ANXA4: variants seen among roughly 807,000 people sequenced by gnomAD.
ANXA4 encodes annexin A4.
A neutral mutation model predicts 49.8 loss-of-function variants in ANXA4; 39 were observed. That is an observed-to-expected ratio of 0.78 (90% CI 0.61 to 1.02). The LOEUF is 1.02. Among genes scored for constraint, ANXA4 ranks in the 50% least tolerant of loss-of-function variants. The pLI, the probability that ANXA4 is intolerant of heterozygous loss-of-function variation, is 0.00. For missense variants in ANXA4, 360 were observed against 410.1 expected (o/e 0.88, Z 1.05); for synonymous variants, 134 against 152.5 (o/e 0.88, Z 0.89).
intron 1 of ANXA4, among the ~76,000 whole-genome samples, chr2:69,767,906 G>A (rs959612543): frequency 7.2e-5 from 11 of 151,738 alleles, no homozygotes; most frequent in African/African-American, 2.4e-4. Context: ...CTAATTATAC[G>A]CATATGTACA....
intron 2 of ANXA4, among the ~76,000 whole-genome samples, chr2:69,714,468 C>T (rs1038304001): frequency 2.0e-5 from 3 of 152,228 alleles, no homozygotes; most frequent in African/African-American, 7.2e-5. Context: ...GGCGAGGGCA[C>T]GTGACCGAAA....
intron 2 of ANXA4, among the ~76,000 whole-genome samples, chr2:69,672,300 C>T (rs1011685157): frequency 3.3e-5 from 5 of 151,236 alleles, no homozygotes; most frequent in Admixed American, 6.6e-5. Context: ...GGTGTGATCT[C>T]GGCTCAGTGC....
intron 2 of ANXA4, among the ~76,000 whole-genome samples, chr2:69,697,368 C>A (rs1678191646): frequency 6.6e-6 from 1 of 152,210 alleles, no homozygotes; most frequent in Admixed American, 6.5e-5. Context: ...GAGTTTAGTG[C>A]CTTGTTCTAG....
intron 3 of ANXA4, among the ~76,000 whole-genome samples, chr2:69,730,987 C>T (rs970354400): frequency 5.9e-5 from 9 of 152,158 alleles, no homozygotes; most frequent in African/African-American, 2.2e-4. Flanking sequence ...CCTTTTAGGT[C>T]GATGGGTTTG....
intron 6 of ANXA4, chr2:69,808,384 C>T (rs773370450): frequency 1.1e-5 from 2 of 184,482 alleles, no homozygotes; most frequent in Non-Finnish European, 2.3e-5. Context: ...CTGGACTGTA[C>T]GTCCTCCAGC....
At chr2:69,800,635 G>A (rs1673151622) in intron 3 of ANXA4, among the ~76,000 whole-genome samples, 1 of 152,218 alleles carries the variant, frequency 6.6e-6, no homozygotes, top group Admixed American at 6.5e-5. Context: ...CTTGGAGGAT[G>A]TAGATGTTAA....
chr2:69,645,117 A>C (rs1024469611), intron 1 of ANXA4, among the ~76,000 whole-genome samples: 1 of 152,134 alleles, frequency 6.6e-6, no homozygotes, highest in Non-Finnish European at 1.5e-5. Flanking sequence ...TTGAGTAGAG[A>C]AGGGTGTCCC....
intron 2 of ANXA4, among the ~76,000 whole-genome samples, chr2:69,660,489 TA>T (rs1305644807): frequency 6.6e-6 from 1 of 152,166 alleles, no homozygotes; most frequent in African/African-American, 2.4e-5. Flanking sequence ...ACTGGAGCCT[TA>T]AAATCCTGAA....
At chr2:69,645,129 G>A (rs924393273) in intron 1 of ANXA4, among the ~76,000 whole-genome samples, 1 of 152,116 alleles carries the variant, frequency 6.6e-6, no homozygotes, top group Non-Finnish European at 1.5e-5. Context: ...GGGTGTCCCA[G>A]GGAAAAAAAT....
chr2:69,767,794 T>C (rs968555452), intron 1 of ANXA4, among the ~76,000 whole-genome samples: 22 of 152,312 alleles, frequency 1.4e-4, no homozygotes, highest in African/African-American at 4.8e-4. Flanking sequence ...TTAAAAGATA[T>C]GAAGAACGAG....
At chr2:69,663,721 T>C (rs758947538) in intron 2 of ANXA4, among the ~76,000 whole-genome samples, 7 of 152,130 alleles carry the variant, frequency 4.6e-5, no homozygotes, top group Non-Finnish European at 8.8e-5. Context: ...AATGGAGTTC[T>C]TTTAAATTAA....
At chr2:69,794,025 G>A (rs1360643378) in intron 3 of ANXA4, among the ~76,000 whole-genome samples, 1 of 152,136 alleles carries the variant, frequency 6.6e-6, no homozygotes. Flanking sequence ...TACAAAGAAT[G>A]CAAACAGTAA....
chr2:69,823,119 A>G (rs1468925024), intron 12 of ANXA4, among the ~76,000 whole-genome samples: 2 of 150,314 alleles, frequency 1.3e-5, no homozygotes, highest in Non-Finnish European at 3.0e-5. Flanking sequence ...TCAATAGGGA[A>G]TAACAAATTA....
At chr2:69,803,247 G>A (rs1673296667) in intron 3 of ANXA4, 1 of 151,174 alleles carries the variant, frequency 6.6e-6, no homozygotes, top group South Asian at 2.1e-4. Flanking sequence ...TAAACTTAAA[G>A]TTCTATAGCT....
At chr2:69,789,856 G>A (rs1027953350) in intron 3 of ANXA4, among the ~76,000 whole-genome samples, 4 of 152,082 alleles carry the variant, frequency 2.6e-5, no homozygotes, top group Non-Finnish European at 5.9e-5. Flanking sequence ...TTCTGTGTCT[G>A]TTCCCACACA....
intron 2 of ANXA4, among the ~76,000 whole-genome samples, chr2:69,656,655 C>G (rs1418969528): frequency 6.7e-6 from 1 of 148,490 alleles, no homozygotes; most frequent in Non-Finnish European, 1.5e-5. Flanking sequence ...TGGGTTCAAG[C>G]TGTTCTCCCT....
At chr2:69,793,248 C>T (rs1301828764) in intron 3 of ANXA4, among the ~76,000 whole-genome samples, 3 of 70,550 alleles carry the variant, frequency 4.3e-5, no homozygotes, top group African/African-American at 8.8e-5. Flanking sequence ...AAGACTCCAT[C>T]TCAAAAAAAA....
At chr2:69,783,173 TTACTC>T in intron 2 of ANXA4, among the ~76,000 whole-genome samples, 1 of 152,302 alleles carries the variant, frequency 6.6e-6, no homozygotes, top group East Asian at 1.9e-4. Flanking sequence ...TTAAAATTAT[TTACTC>T]TAGTGGTTAT....
intron 2 of ANXA4, among the ~76,000 whole-genome samples, chr2:69,693,063 T>C (rs1341409796): frequency 6.6e-6 from 1 of 152,212 alleles, no homozygotes; most frequent in East Asian, 1.9e-4. Context: ...TTAGGTTAAA[T>C]AGATTCTTCC....
Sources: allele counts gnomAD v4.1 joint callset (sites outside exome capture counted in the v4.1 genomes callset), GRCh38; gene constraint gnomAD v4.1.1; transcripts MANE v1.5; gene names NCBI Gene and HGNC (gene_info 2026-07-23, HGNC 2026-07-21).